PEX1: variants seen among roughly 807,000 people sequenced by gnomAD.
PEX1 encodes the protein peroxisomal biogenesis factor 1, also known as peroxisomal ATPase PEX1.
PEX1 carries 97 observed loss-of-function variants against 152.5 expected under a neutral mutation model. The observed-to-expected ratio is 0.64, with a 90% CI of 0.54 to 0.75. PEX1 has a LOEUF of 0.75. Ranked by LOEUF, PEX1 falls within the 30% of genes least tolerant of loss-of-function variation. PEX1 has a pLI of 0.00. For synonymous variants in PEX1, 485 were observed against 531.6 expected, an observed-to-expected ratio of 0.91 and a Z score of 1.21; for missense variants, 1,357 against 1,516.3, an observed-to-expected ratio of 0.89 and a Z score of 1.74.
At chr7:92,489,620 A>G (rs889451107) in intron 22 of PEX1, 94 bp downstream of exon 22, 7 of 1,191,328 alleles carry the variant, frequency 5.9e-6, no homozygotes, top group Non-Finnish European at 8.6e-6. Flanking sequence ...GTTTATAAAT[A>G]TAGCTCGTTT....
rs372821961 is a variant in PEX1, at chr7:92,511,720, T to C, written c.1360-17A>G. 176 of 1,605,368 alleles carry C rather than the reference T, an allele frequency of 1.1e-4. 1 individual carries two copies. Among genetic ancestry groups the C allele is most frequent in the Non-Finnish European group, 1.4e-4 (165 of 1,175,164 alleles). Reference sequence around the variant, plus strand: ...GTCTTTAGGCTGCCAGAAAAAGGAATAGTAATGAATTATCCTCATATCTGA... The same window carrying C: ...GTCTTTAGGCTGCCAGAAAAAGGAACAGTAATGAATTATCCTCATATCTGA... On this transcript the variant is annotated splice_polypyrimidine_tract_variant and intron_variant, in intron 6 of 23. Coordinates refer to ENST00000248633, the MANE Select transcript of PEX1 (RefSeq NM_000466.3).
rs866119012 is a variant in PEX1, at chr7:92,494,967, A to G, written c.2784-338T>C. ...TGGATAGACTAACAGGGATCAAAACAAAAACTGACTCTTAGTCAATAAGTC... is the reference window on the plus strand; with the variant it reads ...TGGATAGACTAACAGGGATCAAAACGAAAACTGACTCTTAGTCAATAAGTC... On this transcript the variant is annotated intron_variant, in intron 17 of 23. Coordinates refer to ENST00000248633, the MANE Select transcript of PEX1 (RefSeq NM_000466.3). Among the ~76,000 whole-genome samples the G allele has an allele frequency of 7.6e-4, 116 of 152,044 alleles. 3 individuals carry two copies. The highest frequency in any genetic ancestry group is 2.7e-3 in the African/African-American group (111 of 41,558).
intron 9 of PEX1, 98 bp from the exon 10 acceptor site, chr7:92,507,224 TA>T: frequency 1.1e-6 from 1 of 947,538 alleles, no homozygotes; most frequent in South Asian, 1.6e-5. Flanking sequence ...TGTAGTTAAT[TA>T]ATTTAATTTA....
rs113906996 is a variant in PEX1 at position 92,496,734 on chromosome 7, G to C, written c.2762C>G (p.Ala921Gly). 6.2e-7 allele frequency: 1 copy of C among 1,608,804 alleles called. No individual in the cohort carries two copies. The highest frequency in any genetic ancestry group is 1.1e-5 in the South Asian group (1 of 90,936). Residue 921 changes from alanine (A) to glycine (G), a missense_variant, in exon 17 of 24, where the codon GCT becomes GGT. Ala to Gly is a moderately conservative substitution (Grantham distance 60, BLOSUM62 0). Coordinates refer to ENST00000248633, the MANE Select transcript of PEX1 (RefSeq NM_000466.3). ...CAACCTAATAAAAATATCCCGAACA[G>C]CTTGTTCACTTGCTCCAATGTATTT... ...LSKYIGASEQ[A>G]VRDIFIRAQA... is the part of the protein sequence containing the mutation.
intron 22 of PEX1, 55 bp from the exon 23 acceptor site, chr7:92,489,478 G>C: frequency 6.8e-7 from 1 of 1,472,752 alleles, no homozygotes; most frequent in Non-Finnish European, 9.5e-7. Flanking sequence ...AAAAAAAAAT[G>C]TGGTAGTCCA....
intron 2 of PEX1, among the ~76,000 whole-genome samples, chr7:92,521,726 C>G (rs111347920): frequency 1.3e-5 from 2 of 151,956 alleles, no homozygotes; most frequent in African/African-American, 2.4e-5. Context: ...TGTGAGCCAC[C>G]GCACCCAGCT....
chr7:92,493,742 C>G (rs1176559967), intron 19 of PEX1: 1 of 153,188 alleles, frequency 6.5e-6, no homozygotes, highest in East Asian at 1.9e-4. Flanking sequence ...GAAGGTATTT[C>G]AAAAGGAAAA....
chr7:92,518,949 A>C, intron 3 of PEX1, 46 bp downstream of exon 3: 1 of 1,248,160 alleles, frequency 8.0e-7, no homozygotes, highest in Non-Finnish European at 1.2e-6. Flanking sequence ...GATATTGTGA[A>C]GTAATTTAAC....
At chr7:92,494,421 T>C (rs199737424) in intron 18 of PEX1, 25 bp from the exon 19 acceptor site, 2 of 1,612,446 alleles carry the variant, frequency 1.2e-6, no homozygotes, top group Non-Finnish European at 1.7e-6. Flanking sequence ...AACATTTTTT[T>C]ACCAAAATCT....
rs571130511 is a variant in PEX1 at position 92,495,547 on chromosome 7, A to G, written c.2784-918T>C. Reference sequence around the variant, plus strand: ...TTTCTTTTTTGCTCAATTTTGGTCAATTTTGTTTTTGTCTATGTCACCTAA... The same window carrying G: ...TTTCTTTTTTGCTCAATTTTGGTCAGTTTTGTTTTTGTCTATGTCACCTAA... On this transcript the variant is annotated intron_variant, in intron 17 of 23. Transcript: ENST00000248633. Among the ~76,000 whole-genome samples the G allele has an allele frequency of 5.3e-5, 8 of 152,278 alleles. No individual in the cohort carries two copies. In the South Asian group the frequency reaches 6.2e-4, roughly 12 times the overall value.
At chr7:92,528,245 AG>A (rs1302708989) in intron 1 of PEX1, 61 bp downstream of exon 1, 9 of 1,540,468 alleles carry the variant, frequency 5.8e-6, no homozygotes, top group Non-Finnish European at 7.9e-6. Flanking sequence ...CGCGTCCCTG[AG>A]AGGCTTCGGC....
intron 11 of PEX1, among the ~76,000 whole-genome samples, chr7:92,505,618 G>A (rs574852326): frequency 6.6e-6 from 1 of 152,202 alleles, no homozygotes; most frequent in East Asian, 1.9e-4. Flanking sequence ...TAGAGATCCT[G>A]GAGTTGCTAT....
At chr7:92,507,266 G>A in intron 9 of PEX1, 140 bp from the exon 10 acceptor site, 1 of 694,910 alleles carries the variant, frequency 1.4e-6, no homozygotes, top group East Asian at 3.0e-5. Flanking sequence ...TGAGAAAGGG[G>A]CTTGCTGTGT....
intron 4 of PEX1, 40 bp downstream of exon 4, chr7:92,518,101 T>C: frequency 3.7e-6 from 6 of 1,605,708 alleles, no homozygotes; most frequent in Non-Finnish European, 4.3e-6. Flanking sequence ...CTCAATGCTA[T>C]AGTGTAGAAT....
rs573329173 is a variant in PEX1 at position 92,496,769 on chromosome 7, C to T, written c.2727G>A (p.Glu909=). ...RMNFISVKGP[E]LLSKYIGASE... is the part of the protein sequence containing the mutation. Reference sequence around the variant, plus strand: ...TTGCTCCAATGTATTTGCTGAGTAACTCTGGCCCCTATTGGGTAAAATAAG... The same window carrying T: ...TTGCTCCAATGTATTTGCTGAGTAATTCTGGCCCCTATTGGGTAAAATAAG... Residue 909 remains glutamate (E), a synonymous_variant, in exon 17 of 24, where the codon GAG becomes GAA. Coordinates refer to ENST00000248633, the MANE Select transcript of PEX1 (RefSeq NM_000466.3). 6 of 1,604,550 alleles carry T rather than the reference C, an allele frequency of 3.7e-6. No individual in the cohort carries two copies. Among genetic ancestry groups the T allele is most frequent in the Admixed American group, 1.7e-5 (1 of 59,998 alleles).
intron 9 of PEX1, among the ~76,000 whole-genome samples, chr7:92,508,461 C>A (rs913635706): frequency 6.6e-6 from 1 of 151,834 alleles, no homozygotes; most frequent in African/African-American, 2.4e-5. Context: ...TTGCTTGAAC[C>A]CAGGAGGCGG....
chr7:92,514,200 C>A (rs566249511), intron 5 of PEX1, among the ~76,000 whole-genome samples: 1 of 152,122 alleles, frequency 6.6e-6, no homozygotes, highest in African/African-American at 2.4e-5. Context: ...TATAAGAGCA[C>A]GAATCCCATT....
chr7:92,508,582 C>G (rs937905189), intron 9 of PEX1, among the ~76,000 whole-genome samples: 6 of 151,528 alleles, frequency 4.0e-5, no homozygotes, highest in Non-Finnish European at 8.9e-5. Context: ...AAACACTGTG[C>G]TATAAACATT....
intron 15 of PEX1, 26 bp downstream of exon 15, chr7:92,501,481 T>C (rs778155835): frequency 6.3e-7 from 1 of 1,591,568 alleles, no homozygotes; most frequent in South Asian, 1.1e-5. Flanking sequence ...GGAGTAAGTA[T>C]TCACTTTTTC....
Sources: allele counts gnomAD v4.1 joint callset (sites outside exome capture counted in the v4.1 genomes callset), GRCh38; gene constraint gnomAD v4.1.1; transcripts MANE v1.5; gene names NCBI Gene and HGNC (gene_info 2026-07-23, HGNC 2026-07-21).